STAG2: variants seen among roughly 807,000 people sequenced by gnomAD.
STAG2 encodes the protein cohesin subunit SA-2.
A neutral mutation model predicts 108.1 loss-of-function variants in STAG2; 14 were observed. The ratio of observed to expected loss-of-function variants is 0.13; its 90% confidence interval spans 0.09 to 0.20. The LOEUF is 0.20. Ranked by LOEUF, STAG2 falls within the 10% of genes least tolerant of loss-of-function variation. STAG2 has a pLI of 1.00. For synonymous variants in STAG2, 307 were observed against 302.7 expected, an observed-to-expected ratio of 1.01 and a Z score of -0.15; for missense variants, 440 against 940.9, an observed-to-expected ratio of 0.47 and a Z score of 6.96.
At position 124,045,251 on chromosome X, in the gene STAG2, C is replaced by T. The variant is rs765673108; in HGVS notation, c.550C>T (p.Arg184Trp). Residue 184 changes from arginine (R) to tryptophan (W), a missense_variant, in exon 8 of 35, where the codon CGG (arginine) becomes TGG (tryptophan). Transcript: ENST00000371145. ...SFCEFIGVLVRQCQYSIIYDE... is the reference protein window; with the variant it reads ...SFCEFIGVLVWQCQYSIIYDE... The stretch of plus-strand genomic sequence containing the variant: ...TTGTGAATTCATTGGCGTGTTAGTA[C>T]GGCAATGTCAATATAGTATCATATA... The T allele has an allele frequency of 8.3e-7, 1 of 1,209,507 alleles. No homozygotes were observed. Among genetic ancestry groups the T allele is most frequent in the Non-Finnish European group, 1.1e-6 (1 of 894,178 alleles).
At chrX:124,096,158 G>A (rs946659660) in intron 34 of STAG2, among the ~76,000 whole-genome samples, 2 of 104,864 alleles carry the variant, frequency 1.9e-5, no homozygotes, top group African/African-American at 6.9e-5. Flanking sequence ...CTCACTTATC[G>A]TTCTAAGTCT....
At chrX:124,056,635 A>G (rs1603053859) in intron 14 of STAG2, among the ~76,000 whole-genome samples, 1 of 100,142 alleles carries the variant, frequency 1.0e-5, no homozygotes, top group Non-Finnish European at 2.0e-5. Flanking sequence ...CGGGAGGCTG[A>G]GGCAGGAGAA....
intron 30 of STAG2, among the ~76,000 whole-genome samples, 153 bp downstream of exon 30, chrX:124,086,923 G>A (rs2059121430): frequency 8.9e-6 from 1 of 112,561 alleles, no homozygotes; most frequent in Non-Finnish European, 1.9e-5. Context: ...AGGCATTTTA[G>A]ATACATAAAC....
chrX:124,007,308 C>T (rs2056339818), intron 1 of STAG2, among the ~76,000 whole-genome samples: 1 of 111,405 alleles, frequency 9.0e-6, no homozygotes, highest in Non-Finnish European at 1.9e-5. Context: ...TGAGCCATCC[C>T]ATCCTGCTTT....
At chrX:124,055,383 C>A (rs893355409) in intron 13 of STAG2, among the ~76,000 whole-genome samples, 3 of 111,978 alleles carry the variant, frequency 2.7e-5, no homozygotes, top group African/African-American at 9.7e-5. Context: ...TCACAGTAGA[C>A]TAGAAGCATA....
At chrX:123,972,382 T>A (rs1461015814) in intron 1 of STAG2, among the ~76,000 whole-genome samples, 1 of 108,544 alleles carries the variant, frequency 9.2e-6, no homozygotes, top group Non-Finnish European at 1.9e-5. Context: ...GCCATTCTCC[T>A]GCCTCAGCCT....
Position 124,102,303 on chromosome X carries a change from A to AT in STAG2, c.*1714dup, listed in dbSNP as rs993969595. On this transcript the variant is annotated 3_prime_UTR_variant, in exon 35 of 35. Coordinates refer to ENST00000371145, the MANE Select transcript of STAG2 (RefSeq NM_001042750.2). ...TATATATGATTTTAAACCTAAGTTG[A>AT]TTTTTTTTCTCACTCTTGAAAGGAG... The AT allele has an allele frequency of 1.9e-5, 3 of 158,554 alleles. No individual in the cohort carries two copies. The highest frequency in any genetic ancestry group is 9.6e-5 in the East Asian group (1 of 10,452). 13.1% of individuals were successfully genotyped at this position (158,554 alleles called of 1,213,427 possible).
chrX:124,028,822 A>ATATATATATATTTTTTT (rs1296806013), intron 4 of STAG2, among the ~76,000 whole-genome samples: 4 of 38,976 alleles, frequency 1.0e-4, no homozygotes, highest in African/African-American at 4.4e-4. Flanking sequence ...ATATATATAT[A>ATATATATATATTTTTTT]TTTTTTTTTT....
intron 1 of STAG2, among the ~76,000 whole-genome samples, chrX:124,016,468 C>T (rs756258015): frequency 8.9e-6 from 1 of 111,786 alleles, no homozygotes; most frequent in Non-Finnish European, 1.9e-5. Flanking sequence ...TGTCTGTTTA[C>T]CCACATTGGT....
intron 1 of STAG2, among the ~76,000 whole-genome samples, chrX:123,974,578 T>A (rs1406260624): frequency 1.6e-5 from 1 of 60,834 alleles, no homozygotes; most frequent in Non-Finnish European, 3.1e-5. Flanking sequence ...TGATACCTTC[T>A]TTTTTTTTTT....
chrX:124,086,638 C>A lies in STAG2; in HGVS notation c.3145C>A (p.Leu1049Ile). The A allele has an allele frequency of 8.3e-7, 1 of 1,210,980 alleles. No individual in the cohort carries two copies. Among genetic ancestry groups the A allele is most frequent in the East Asian group, 3.0e-5 (1 of 33,850 alleles). The change falls in exon 30 of 35, where the codon CTA (leucine) becomes ATA (isoleucine). Residue 1049 changes from leucine to isoleucine, a missense_variant. By Grantham distance (5) the Leu-to-Ile change is conservative (BLOSUM62 2). Transcript: ENST00000371145. ...ACTGATGTCTTACCGAAATTCTTTG[C>A]TAGCTGGTGGTGATGATGACACCAT... ...LPLMSYRNSL[L>I]AGGDDDTMSV...
intron 30 of STAG2, 121 bp from the exon 31 acceptor site, chrX:124,090,454 C>T (rs757170950): frequency 1.9e-5 from 11 of 586,407 alleles, no homozygotes; most frequent in South Asian, 3.0e-5. Flanking sequence ...AGGTTTGTGT[C>T]CCCCGTTCCT....
intron 1 of STAG2, among the ~76,000 whole-genome samples, chrX:123,968,440 T>C (rs932098153): frequency 2.7e-5 from 3 of 111,697 alleles, no homozygotes; most frequent in Non-Finnish European, 5.7e-5. Flanking sequence ...TGGGAAGATC[T>C]GTTGAGCCCA....
intron 27 of STAG2, among the ~76,000 whole-genome samples, chrX:124,078,767 G>A (rs762168738): frequency 1.8e-4 from 20 of 110,213 alleles, no homozygotes; most frequent in African/African-American, 5.6e-4. Flanking sequence ...TCAGGAATTC[G>A]AGACCAGCCT....
chrX:124,064,537 A>C (rs1347059949), intron 20 of STAG2, among the ~76,000 whole-genome samples: 2 of 106,119 alleles, frequency 1.9e-5, no homozygotes, highest in Non-Finnish European at 3.9e-5. Flanking sequence ...TCTGCCTCCC[A>C]GGTTCAAGCG....
intron 1 of STAG2, among the ~76,000 whole-genome samples, chrX:124,015,081 G>A (rs1372027513): frequency 1.0e-5 from 1 of 98,304 alleles, no homozygotes; most frequent in Non-Finnish European, 2.0e-5. Context: ...CCACCTCCCG[G>A]GTTCACGCCA....
At chrX:124,076,497 A>G (rs2058806841) in intron 26 of STAG2, 26 bp downstream of exon 26, 1 of 1,121,608 alleles carries the variant, frequency 8.9e-7, no homozygotes, top group Non-Finnish European at 1.2e-6. Flanking sequence ...GGATAGCAAG[A>G]TAGTTTTAAA....
Position 124,061,768 on chromosome X carries a change from TAGCAC to T in STAG2, c.1535-2_1537del. ...CTTTTTTTTTTTTTTTTTTTTTTTT[TAGCAC>T]TAACAGATAGGCAAGAGAGTGCTCT... On this transcript the variant is annotated splice_acceptor_variant and coding_sequence_variant, in exon 17 of 35. Transcript: ENST00000371145. LOFTEE classifies it high-confidence loss of function. The T allele has an allele frequency of 4.5e-6, 4 of 895,384 alleles. No individual in the cohort carries two copies. The highest frequency in any genetic ancestry group is 6.1e-6 in the Non-Finnish European group (4 of 660,369). The allele number at this position is 895,384 out of a possible 1,213,427, so 73.8% of individuals were successfully genotyped here. A position where few individuals can be genotyped will look rare whatever the true frequency, so the allele number is the denominator to read the frequency against.
intron 1 of STAG2, among the ~76,000 whole-genome samples, chrX:123,992,713 A>G (rs1229173995): frequency 9.1e-6 from 1 of 110,322 alleles, no homozygotes; most frequent in African/African-American, 3.3e-5. Context: ...TAATTTTTGA[A>G]TTTTTTTGTA....
Sources: gnomAD v4.1 joint callset for allele counts (sites outside exome capture counted in the v4.1 genomes callset) on GRCh38, gnomAD v4.1.1 for gene constraint, MANE v1.5 for transcripts, NCBI Gene and HGNC (gene_info 2026-07-23, HGNC 2026-07-21) for gene names.